Variants in SULT1C3 observed in about 807,000 individuals in gnomAD.
SULT1C3 encodes sulfotransferase 1C3.
In SULT1C3, 31 loss-of-function variants were observed where a neutral mutation model predicts 28.4. That is an observed-to-expected ratio of 1.09 (90% CI 0.82 to 1.47). The LOEUF (loss-of-function observed/expected upper bound fraction) is 1.47. SULT1C3 is among the 40% of genes most tolerant of loss of function. SULT1C3 has a pLI of 0.00. For synonymous variants in SULT1C3, 106 were observed against 92.2 expected (o/e 1.15, Z -0.86); for missense variants, 307 against 272.5 (o/e 1.13, Z -0.89).
intron 1 of SULT1C3, among the ~76,000 whole-genome samples, chr2:108,244,947 G>T (rs1345928618): frequency 6.6e-6 from 1 of 152,154 alleles, no homozygotes; most frequent in African/African-American, 2.4e-5. Flanking sequence ...AAGTTTCAAG[G>T]ATGAAGGAGT....
Position 108,255,700 on chromosome 2 carries a change from T to C in SULT1C3, c.526+2T>C. ...ATGAGAAATTCATGTCCGGAAAAGG[T>C]GAGTTCAAACTGATCTTTTTGGTAC... On this transcript the variant is annotated splice_donor_variant, in intron 5 of 7. Transcript: ENST00000681802. LOFTEE classifies it high-confidence loss of function. 5.0e-6 allele frequency: 8 copies of C among 1,609,594 alleles called. No individual in the cohort carries two copies. Among genetic ancestry groups the C allele is most frequent in the Non-Finnish European group, 6.8e-6 (8 of 1,177,130 alleles).
At chr2:108,255,517 T>C in intron 4 of SULT1C3, 55 bp from the exon 5 acceptor site, 2 of 1,588,380 alleles carry the variant, frequency 1.3e-6, no homozygotes, top group South Asian at 1.1e-5. Context: ...CACTTGAGTA[T>C]TTCATGTCAG....
At chr2:108,252,778 A>C (rs1675764134) in intron 3 of SULT1C3, among the ~76,000 whole-genome samples, 2 of 152,010 alleles carry the variant, frequency 1.3e-5, no homozygotes, top group Non-Finnish European at 2.9e-5. Flanking sequence ...ATTCTCCTTC[A>C]TATGTTTGAA....
downstream of SULT1C3, among the ~76,000 whole-genome samples, chr2:108,264,028 G>C (rs1676078393): frequency 1.3e-5 from 2 of 152,130 alleles, no homozygotes; most frequent in Non-Finnish European, 2.9e-5. Context: ...TTGTGTTCAA[G>C]AAATTTAGCT....
chr2:108,255,790 A>G (rs1178724589), intron 5 of SULT1C3, 92 bp downstream of exon 5: 2 of 1,455,144 alleles, frequency 1.4e-6, no homozygotes, highest in African/African-American at 1.4e-5. Context: ...ACAAAAGGCC[A>G]TCCTGATTGA....
downstream of SULT1C3, chr2:108,264,868 A>G: frequency 6.2e-7 from 1 of 1,613,570 alleles, no homozygotes; most frequent in Non-Finnish European, 8.5e-7. Flanking sequence ...TTCCTGGAAA[A>G]AGACATATCA....
rs373674174 is a variant in SULT1C3 at position 108,247,707 on chromosome 2, A to C, written c.172+341A>C. On this transcript the variant is annotated intron_variant, in intron 2 of 7. Coordinates refer to ENST00000681802, the MANE Select transcript of SULT1C3 (RefSeq NM_001320878.2). ...ACCCTCAAGACAGCCTTCTAAAAGCATGTCCTACTCCAAATATTAATCTAT... is the reference window on the plus strand; with the variant it reads ...ACCCTCAAGACAGCCTTCTAAAAGCCTGTCCTACTCCAAATATTAATCTAT... Among the ~76,000 whole-genome samples the C allele has an allele frequency of 2.6e-5, 4 of 152,330 alleles. No homozygotes were observed. The East Asian group carries it at 7.7e-4, about 29-fold the overall frequency.
At chr2:108,261,833 C>CA (rs1261526121), downstream of SULT1C3, among the ~76,000 whole-genome samples, 2 of 152,048 alleles carry the variant, frequency 1.3e-5, no homozygotes, top group Admixed American at 6.6e-5. Flanking sequence ...ATTGTTACGC[C>CA]AGGCAAAGGG....
At chr2:108,258,861 A>G (rs769626553) in intron 6 of SULT1C3, 33 bp downstream of exon 6, 5 of 1,524,400 alleles carry the variant, frequency 3.3e-6, no homozygotes, top group Non-Finnish European at 4.5e-6. Context: ...GGTCAGACCC[A>G]GAAACCCTCC....
At chr2:108,264,319 C>G (rs1466439311), downstream of SULT1C3, among the ~76,000 whole-genome samples, 1 of 152,202 alleles carries the variant, frequency 6.6e-6, no homozygotes, top group Non-Finnish European at 1.5e-5. Context: ...AAATAAGGAT[C>G]TATGCTTCTG....
At position 108,255,661 on chromosome 2, in the gene SULT1C3, CT is replaced by C. The variant is rs1319823892; in HGVS notation, c.491del (p.Leu164Ter). 1 of 1,611,378 alleles carries C rather than the reference CT, an allele frequency of 6.2e-7. No individual in the cohort carries two copies. The highest frequency in any genetic ancestry group is 8.5e-7 in the Non-Finnish European group (1 of 1,178,226). On this transcript the variant is annotated frameshift_variant, in exon 5 of 8. Coordinates refer to ENST00000681802, the MANE Select transcript of SULT1C3 (RefSeq NM_001320878.2). LOFTEE classifies it high-confidence loss of function. Reference sequence around the variant, plus strand: ...CTTCCTTTATGCCTGATCCTCAGAACTTAGAGGAATTTTATGAGAAATTCAT... The same window carrying C: ...CTTCCTTTATGCCTGATCCTCAGAACTAGAGGAATTTTATGAGAAATTCAT... ...MASFMPDPQNLEEFYEKFMSG... is the reference protein window; with the variant it reads ...MASFMPDPQNXEEFYEKFMSG...
chr2:108,255,570 A>T lies in SULT1C3; in HGVS notation c.400-2A>T, dbSNP rs150089220. 9.3e-6 allele frequency: 15 copies of T among 1,609,280 alleles called. No homozygotes were observed. The highest frequency in any genetic ancestry group is 1.3e-5 in the Non-Finnish European group (15 of 1,177,650). ...GGCTTCCTTCCCTCTCCTTGATTTC[A>T]GATTGTCTATGTGGCCAGAAATCCC... is the stretch of plus-strand genomic sequence containing the variant. On this transcript the variant is annotated splice_acceptor_variant, in intron 4 of 7. Transcript: ENST00000681802. LOFTEE classifies it high-confidence loss of function.
chr2:108,247,302 G>A lies in SULT1C3; in HGVS notation c.108G>A (p.Trp36Ter), dbSNP rs112050262. The change falls in exon 2 of 8, where the codon TGG (tryptophan) becomes TGA (stop). Residue 36 changes from tryptophan to a stop codon, truncating the protein, a stop_gained. Transcript: ENST00000681802. LOFTEE classifies it high-confidence loss of function. ...VPTLILSKEWWEKVCNFQAKP... is the reference protein window; with the variant it reads ...VPTLILSKEW ...CGTTGATATTATCAAAAGAATGGTG[G>A]GAAAAAGTATGTAATTTCCAAGCCA... is the stretch of plus-strand genomic sequence containing the variant. The A allele has an allele frequency of 0.019, 29,938 of 1,598,718 alleles. 452 individuals are homozygous for A. Among genetic ancestry groups the A allele is most frequent in the South Asian group, 0.055 (4,881 of 87,954 alleles).
At chr2:108,259,518 C>T (rs1675965166) in intron 7 of SULT1C3, among the ~76,000 whole-genome samples, 1 of 152,104 alleles carries the variant, frequency 6.6e-6, no homozygotes, top group African/African-American at 2.4e-5. Context: ...CTTGTGCATC[C>T]TCTGAGCAGC....
chr2:108,254,104 G>A (rs959687582), intron 4 of SULT1C3, among the ~76,000 whole-genome samples: 3 of 151,842 alleles, frequency 2.0e-5, no homozygotes, highest in African/African-American at 4.8e-5. Flanking sequence ...AACACAATCT[G>A]ACTGAGGTAT....
chr2:108,253,092 C>G (rs1368018399), intron 3 of SULT1C3, among the ~76,000 whole-genome samples: 1 of 151,622 alleles, frequency 6.6e-6, no homozygotes, highest in Non-Finnish European at 1.5e-5. Flanking sequence ...ACAAACATTC[C>G]CAGAATTAAT....
At chr2:108,255,531 A>AT in intron 4 of SULT1C3, 41 bp from the exon 5 acceptor site, 1 of 1,600,120 alleles carries the variant, frequency 6.2e-7, no homozygotes, top group South Asian at 1.1e-5. Flanking sequence ...ATGTCAGTCT[A>AT]TTTTTCTCTC....
chr2:108,255,722 G>T (rs1448353803), intron 5 of SULT1C3, 24 bp downstream of exon 5: 1 of 1,603,998 alleles, frequency 6.2e-7, no homozygotes, highest in Non-Finnish European at 8.5e-7. Flanking sequence ...GATCTTTTTG[G>T]TACCCTCTTT....
chr2:108,259,109 C>G lies in SULT1C3; in HGVS notation c.765C>G (p.His255Gln), dbSNP rs1029517704. 2.0e-6 allele frequency: 1 copy of G among 506,150 alleles called. No homozygotes were observed. Among genetic ancestry groups the G allele is most frequent in the African/African-American group, 1.9e-5 (1 of 52,228 alleles). 31.4% of individuals were successfully genotyped at this position (506,150 alleles called of 1,614,324 possible). The change falls in exon 7 of 8, where the codon CAC becomes CAG. Residue 255 changes from histidine (H) to glutamine (Q), a missense_variant. By Grantham distance (24) the His-to-Gln change is conservative (BLOSUM62 0). Coordinates refer to ENST00000681802, the MANE Select transcript of SULT1C3 (RefSeq NM_001320878.2). ...PMANHTAVPA[H>Q]IFNHSISKFM... Reference sequence around the variant, plus strand: ...CCAACCATACTGCGGTACCTGCTCACATATTCAATCACTCCATCTCAAAAT... The same window carrying G: ...CCAACCATACTGCGGTACCTGCTCAGATATTCAATCACTCCATCTCAAAAT...
Sources: allele counts gnomAD v4.1 joint callset (sites outside exome capture counted in the v4.1 genomes callset), GRCh38; gene constraint gnomAD v4.1.1; transcripts MANE v1.5; gene names NCBI Gene and HGNC (gene_info 2026-07-23, HGNC 2026-07-21).